The following PLD5 variants were observed in gnomAD, a reference collection of about 807,000 sequenced individuals.
The protein encoded by PLD5 is inactive phospholipase D5.
Under a neutral mutation model 61.1 loss-of-function variants are expected in PLD5, and 36 were observed. The ratio of observed to expected loss-of-function variants is 0.59; its 90% CI spans 0.45 to 0.78. PLD5 has a LOEUF of 0.78. PLD5 is among the 30% of genes least tolerant of loss of function. The pLI, the probability that PLD5 is intolerant of heterozygous loss-of-function variation, is 0.00. For missense variants in PLD5, 515 were observed against 644.4 expected, an observed-to-expected ratio of 0.80 and a Z score of 2.17; for synonymous variants, 243 against 242.8, an observed-to-expected ratio of 1.00 and a Z score of -0.01.
In PLD5 at chr1:242,104,182, T is replaced by A. The variant is rs140648322; in HGVS notation, c.1240-3400A>T. 2.9e-3 allele frequency among the ~76,000 whole-genome samples: 441 copies of A among 152,168 alleles called. 4 individuals are homozygous for A. Among genetic ancestry groups the A allele is most frequent in the African/African-American group, 0.01 (427 of 41,538 alleles). On this transcript the variant is annotated intron_variant, in intron 8 of 9. Coordinates refer to ENST00000536534, the MANE Select transcript of PLD5 (RefSeq NM_001372062.1). The stretch of plus-strand genomic sequence containing the variant: ...TCCCCAGGCTGGAGTGCAGTGGCAA[T>A]CATAGGTCACTGCAGCCTTGAACTC...
chr1:242,162,725 G>GT (rs904753082), intron 5 of PLD5, among the ~76,000 whole-genome samples: 1 of 152,080 alleles, frequency 6.6e-6, no homozygotes, highest in Non-Finnish European at 1.5e-5. Context: ...GCTACGAGAA[G>GT]TTTTTCCCTG....
At chr1:242,246,974 C>CTT (rs74466537) in intron 4 of PLD5, among the ~76,000 whole-genome samples, 5 of 135,808 alleles carry the variant, frequency 3.7e-5, no homozygotes, top group Admixed American at 1.5e-4. Context: ...TTTAGGGATT[C>CTT]TTTTTTTTTT....
intron 5 of PLD5, among the ~76,000 whole-genome samples, chr1:242,147,175 T>C (rs1174933594): frequency 6.6e-6 from 1 of 152,018 alleles, no homozygotes; most frequent in African/African-American, 2.4e-5. Context: ...CCATCCCCTC[T>C]TCAAACCGCA....
At chr1:242,204,620 C>T (rs1290300594) in intron 5 of PLD5, among the ~76,000 whole-genome samples, 1 of 152,132 alleles carries the variant, frequency 6.6e-6, no homozygotes, top group Non-Finnish European at 1.5e-5. Flanking sequence ...TAGTCATCAA[C>T]TCAAATGGCT....
rs1572048279 is a variant in PLD5 at position 242,393,674 on chromosome 1, G to GTATATATGTGTATATATATGAGTA, written c.190-45456_190-45433dup. On this transcript the variant is annotated intron_variant, in intron 1 of 9. Transcript: ENST00000536534. Reference sequence around the variant, plus strand: ...TGAGTATATATGTGTATATATATGAGTATATATGTGTATATATATGAGTAT... The same window carrying GTATATATGTGTATATATATGAGTA: ...TGAGTATATATGTGTATATATATGAGTATATATGTGTATATATATGAGTATATATATGTGTATATATATGAGTAT... Among the ~76,000 whole-genome samples, 9 of 65,412 alleles carry GTATATATGTGTATATATATGAGTA rather than the reference G, an allele frequency of 1.4e-4. 1 individual carries two copies. In the South Asian group the frequency reaches 5.0e-3, roughly 37 times the overall value. 42.9% of individuals were successfully genotyped at this position (65,412 alleles called of 152,430 possible).
At chr1:242,527,044 A>T (rs762925961), upstream of PLD5, among the ~76,000 whole-genome samples, 4 of 149,094 alleles carry the variant, frequency 2.7e-5, no homozygotes, top group Non-Finnish European at 5.9e-5. Context: ...CTCAAAGTAA[A>T]TAGATTTTTT....
intron 1 of PLD5, among the ~76,000 whole-genome samples, chr1:242,398,997 T>C (rs1317246833): frequency 6.6e-6 from 1 of 152,080 alleles, no homozygotes; most frequent in Non-Finnish European, 1.5e-5. Context: ...ATGACACCAT[T>C]GGGGGAAGCT....
chr1:242,421,560 G>A (rs1468307337), intron 1 of PLD5, among the ~76,000 whole-genome samples: 1 of 152,150 alleles, frequency 6.6e-6, no homozygotes, highest in East Asian at 1.9e-4. Context: ...CAGGAGATAC[G>A]GGATTTCATA....
intron 4 of PLD5, among the ~76,000 whole-genome samples, chr1:242,240,598 A>G (rs1671938048): frequency 6.6e-6 from 1 of 152,152 alleles, no homozygotes; most frequent in Non-Finnish European, 1.5e-5. Flanking sequence ...GAAGGTAAAT[A>G]TGTAAGAAAC....
chr1:242,223,514 C>A (rs1301561001), intron 4 of PLD5, among the ~76,000 whole-genome samples: 2 of 152,142 alleles, frequency 1.3e-5, no homozygotes, highest in African/African-American at 4.8e-5. Context: ...AGGGCCCCAG[C>A]AGAGCTGTGT....
intron 4 of PLD5, among the ~76,000 whole-genome samples, chr1:242,222,727 C>T (rs1030728190): frequency 2.0e-5 from 3 of 149,168 alleles, no homozygotes; most frequent in Non-Finnish European, 3.0e-5. Context: ...TCCCACACCC[C>T]ATCTACACTG....
chr1:242,269,931 T>C (rs1410052701), intron 3 of PLD5, among the ~76,000 whole-genome samples: 1 of 152,168 alleles, frequency 6.6e-6, no homozygotes, highest in African/African-American at 2.4e-5. Context: ...TATTTTGAGG[T>C]GGCATCTTCT....
intron 1 of PLD5, among the ~76,000 whole-genome samples, chr1:242,357,870 T>C (rs1317226233): frequency 2.0e-5 from 3 of 152,328 alleles, no homozygotes; most frequent in African/African-American, 4.8e-5. Context: ...ATGTGTATTA[T>C]GCACAGGTTA....
intron 5 of PLD5, among the ~76,000 whole-genome samples, chr1:242,205,701 C>T (rs533212574): frequency 1.3e-5 from 2 of 152,172 alleles, no homozygotes; most frequent in East Asian, 3.9e-4. Context: ...CAATGAAATA[C>T]TTTCCTAGGA....
chr1:242,449,978 T>G (rs1368013433), intron 1 of PLD5, among the ~76,000 whole-genome samples: 7 of 152,208 alleles, frequency 4.6e-5, no homozygotes, highest in Admixed American at 4.6e-4. Context: ...AGAAAAGTTC[T>G]TTACTCATCA....
At chr1:242,485,718 A>G (rs12402654) in intron 1 of PLD5, among the ~76,000 whole-genome samples, 48,532 of 152,086 alleles carry the variant, frequency 0.32, 8,207 homozygotes, top group Admixed American at 0.43. Flanking sequence ...AAATTACTTT[A>G]AAGTTCATAT....
At chr1:242,192,837 C>T (rs930965375) in intron 5 of PLD5, among the ~76,000 whole-genome samples, 1 of 152,042 alleles carries the variant, frequency 6.6e-6, no homozygotes, top group Non-Finnish European at 1.5e-5. Flanking sequence ...CTCTTCCTGC[C>T]CCTTCGGCCT....
intron 1 of PLD5, among the ~76,000 whole-genome samples, chr1:242,496,922 T>C (rs12032030): frequency 0.36 from 55,366 of 152,050 alleles, 10,754 homozygotes; most frequent in East Asian, 0.6. Context: ...TAGGATGTGT[T>C]CTAAAGGGGA....
intron 5 of PLD5, among the ~76,000 whole-genome samples, chr1:242,174,438 TAC>T (rs1666980754): frequency 6.6e-6 from 1 of 152,062 alleles, no homozygotes; most frequent in South Asian, 2.1e-4. Context: ...GGAACACTTT[TAC>T]ACTGTTGGTG....
Sources: gnomAD v4.1 joint callset for allele counts (sites outside exome capture counted in the v4.1 genomes callset) on GRCh38, gnomAD v4.1.1 for gene constraint, MANE v1.5 for transcripts, NCBI Gene and HGNC (gene_info 2026-07-23, HGNC 2026-07-21) for gene names.